KALRN: variants seen among roughly 807,000 people sequenced by gnomAD.
KALRN encodes kalirin.
Under a neutral mutation model 353.7 loss-of-function variants are expected in KALRN, and 70 were observed. The ratio of observed to expected loss-of-function variants is 0.20; its 90% confidence interval spans 0.16 to 0.24. The LOEUF is 0.24. Ranked by LOEUF, KALRN falls within the 10% of genes least tolerant of loss-of-function variation. The pLI is 1.00. For synonymous variants in KALRN, 1,391 were observed against 1,434.8 expected (o/e 0.97, Z 0.69); for missense variants, 2,791 against 3,756.7 (o/e 0.74, Z 6.72).
intron 1 of KALRN, among the ~76,000 whole-genome samples, chr3:124,168,687 G>A (rs1002668459): frequency 3.3e-5 from 5 of 152,148 alleles, no homozygotes; most frequent in Non-Finnish European, 7.4e-5. Context: ...TTCCTCTCAT[G>A]TCTTTGCATC....
chr3:124,540,566 A>G (rs1355646083), intron 33 of KALRN, among the ~76,000 whole-genome samples: 4 of 152,234 alleles, frequency 2.6e-5, no homozygotes, highest in Non-Finnish European at 5.9e-5. Context: ...GGAGAGCTGG[A>G]GTGGACCTTG....
intron 33 of KALRN, among the ~76,000 whole-genome samples, chr3:124,498,076 T>A (rs1450802489): frequency 6.6e-6 from 1 of 152,134 alleles, no homozygotes; most frequent in African/African-American, 2.4e-5. Flanking sequence ...ACTAAGTGAG[T>A]CACCCAAGAC....
At chr3:124,375,742 T>C (rs2086503256) in intron 10 of KALRN, among the ~76,000 whole-genome samples, 1 of 152,252 alleles carries the variant, frequency 6.6e-6, no homozygotes, top group African/African-American at 2.4e-5. Flanking sequence ...GTTAATTATT[T>C]CTTTTGCTTT....
intron 1 of KALRN, among the ~76,000 whole-genome samples, chr3:124,090,731 G>A (rs13071877): frequency 0.6 from 90,424 of 151,686 alleles, 29,807 homozygotes; most frequent in Non-Finnish European, 0.75. Flanking sequence ...AGGAGAGCAC[G>A]GACTGAAGCG....
At chr3:124,108,113 G>T (rs2062483078) in intron 1 of KALRN, among the ~76,000 whole-genome samples, 1 of 152,136 alleles carries the variant, frequency 6.6e-6, no homozygotes, top group African/African-American at 2.4e-5. Context: ...TCTTATCCTT[G>T]CAGGGAAGGC....
intron 9 of KALRN, among the ~76,000 whole-genome samples, chr3:124,336,718 C>G (rs1015484113): frequency 1.2e-4 from 18 of 152,134 alleles, no homozygotes; most frequent in African/African-American, 4.3e-4. Flanking sequence ...AAAATGAGAG[C>G]CTTTCTGAAA....
chr3:124,661,614 A>G (rs2084887649), intron 44 of KALRN, among the ~76,000 whole-genome samples: 1 of 152,156 alleles, frequency 6.6e-6, no homozygotes, highest in Admixed American at 6.5e-5. Context: ...GGGCTGAGTA[A>G]TATTCCCCCA....
chr3:124,632,772 G>A, intron 35 of KALRN, 69 bp downstream of exon 35: 1 of 1,433,002 alleles, frequency 7.0e-7, no homozygotes, highest in Non-Finnish European at 9.6e-7. Flanking sequence ...CTCAGGTTTT[G>A]TCAACTAGGC....
intron 1 of KALRN, among the ~76,000 whole-genome samples, chr3:124,172,564 T>A (rs1053987049): frequency 6.6e-6 from 1 of 152,172 alleles, no homozygotes; most frequent in Non-Finnish European, 1.5e-5. Flanking sequence ...GCTTTGAACC[T>A]ACTAAGCCTA....
intron 1 of KALRN, among the ~76,000 whole-genome samples, chr3:124,073,029 A>G (rs1194301002): frequency 2.6e-5 from 4 of 152,190 alleles, no homozygotes; most frequent in African/African-American, 9.7e-5. Context: ...TCATCATGCA[A>G]CGTTCCGATG....
intron 25 of KALRN, among the ~76,000 whole-genome samples, chr3:124,470,304 A>G (rs1482259645): frequency 1.3e-5 from 2 of 152,160 alleles, no homozygotes; most frequent in Admixed American, 1.3e-4. Flanking sequence ...ATCATTTGTG[A>G]AGAGAGTTGT....
intron 3 of KALRN, among the ~76,000 whole-genome samples, chr3:124,248,729 C>A (rs2070700125): frequency 6.6e-6 from 1 of 152,218 alleles, no homozygotes; most frequent in South Asian, 2.1e-4. Context: ...CAAGTGAGGA[C>A]CAGCCTTGGT....
chr3:124,254,422 C>CAAAAAAA (rs35522040), intron 3 of KALRN, among the ~76,000 whole-genome samples: 3 of 121,264 alleles, frequency 2.5e-5, no homozygotes, highest in African/African-American at 1.0e-4. Flanking sequence ...ATCTATGAAG[C>CAAAAAAA]AAAAAAAAAA....
intron 9 of KALRN, among the ~76,000 whole-genome samples, chr3:124,339,663 T>C (rs1473413073): frequency 6.6e-6 from 1 of 152,164 alleles, no homozygotes; most frequent in Non-Finnish European, 1.5e-5. Context: ...TCACACTGTG[T>C]GTACTTGAAC....
chr3:124,490,626 G>A lies in KALRN; in HGVS notation c.4397-68G>A, dbSNP rs1228957742. 12 of 1,444,592 alleles carry A rather than the reference G, an allele frequency of 8.3e-6. No homozygotes were observed. The South Asian group carries it at 1.2e-4, about 15-fold the overall frequency. The allele number at this position is 1,444,592 out of a possible 1,614,324, so 89.5% of individuals were successfully genotyped here. A position where few individuals can be genotyped will look rare whatever the true frequency, so the allele number is the denominator to read the frequency against. The stretch of plus-strand genomic sequence containing the variant: ...TAAGAGAGGCCTTTCTCCAAGAGGG[G>A]GGTGGAACATGGCCCCCTGACTGTG... On this transcript the variant is annotated intron_variant, in intron 29 of 59. Transcript: ENST00000682506.
intron 34 of KALRN, among the ~76,000 whole-genome samples, chr3:124,619,482 CTTTTTTTT>C (rs59009780): frequency 2.9e-5 from 3 of 104,660 alleles, no homozygotes; most frequent in East Asian, 5.3e-4. Context: ...TATTTTCCTT[CTTTTTTTT>C]TTTTTTTTTT....
chr3:124,635,956 C>T (rs925408667), intron 36 of KALRN, among the ~76,000 whole-genome samples: 1 of 152,050 alleles, frequency 6.6e-6, no homozygotes, highest in South Asian at 2.1e-4. Context: ...TGTGTATATA[C>T]AGCATTTGTT....
chr3:124,436,929 G>A (rs2093483633), intron 17 of KALRN, among the ~76,000 whole-genome samples: 1 of 145,842 alleles, frequency 6.9e-6, no homozygotes, highest in Non-Finnish European at 1.5e-5. Flanking sequence ...CCTCAAGTTT[G>A]GTGACAGATC....
intron 15 of KALRN, among the ~76,000 whole-genome samples, chr3:124,424,414 A>G (rs907784002): frequency 6.6e-6 from 1 of 152,050 alleles, no homozygotes; most frequent in Non-Finnish European, 1.5e-5. Context: ...TTGATTCCTT[A>G]TATTAAAGGT....
Sources: allele counts gnomAD v4.1 joint callset (sites outside exome capture counted in the v4.1 genomes callset), GRCh38; gene constraint gnomAD v4.1.1; transcripts MANE v1.5; gene names NCBI Gene and HGNC (gene_info 2026-07-23, HGNC 2026-07-21).